The following TDRD5 variants were observed in gnomAD, a reference collection of about 807,000 sequenced individuals.
TDRD5 encodes tudor domain-containing protein 5.
A neutral mutation model predicts 120.6 loss-of-function variants in TDRD5; 41 were observed. The ratio of observed to expected loss-of-function variants is 0.34; its 90% CI spans 0.26 to 0.44. TDRD5 has a LOEUF of 0.44. TDRD5 is among the 20% of genes least tolerant of loss of function. TDRD5 has a pLI of 1.00. For synonymous variants in TDRD5, 430 were observed against 433.7 expected (o/e 0.99, Z 0.11); for missense variants, 1,006 against 1,221.2 (o/e 0.82, Z 2.63).
intron 9 of TDRD5, 91 bp downstream of exon 9, chr1:179,635,978 A>C: frequency 8.9e-7 from 1 of 1,127,790 alleles, no homozygotes; most frequent in South Asian, 2.1e-5. Flanking sequence ...TAAAAATTAA[A>C]GACCCAAGAG....
intron 17 of TDRD5, among the ~76,000 whole-genome samples, chr1:179,676,241 T>C (rs1353875520): frequency 6.6e-6 from 1 of 152,168 alleles, no homozygotes; most frequent in Non-Finnish European, 1.5e-5. Context: ...TTTCTGTGAG[T>C]CCTTATGTGT....
chr1:179,636,745 G>A (rs930972460), intron 9 of TDRD5, among the ~76,000 whole-genome samples: 4 of 152,214 alleles, frequency 2.6e-5, no homozygotes, highest in Non-Finnish European at 1.5e-5. Context: ...TTGGGAAGCT[G>A]TCAAGCTCAC....
At chr1:179,611,821 T>G (rs923407542) in intron 4 of TDRD5, among the ~76,000 whole-genome samples, 1 of 152,188 alleles carries the variant, frequency 6.6e-6, no homozygotes, top group Admixed American at 6.6e-5. Context: ...TAATAATTCC[T>G]CATAGATGCA....
At chr1:179,633,132 A>G (rs1355426726) in intron 7 of TDRD5, among the ~76,000 whole-genome samples, 1 of 152,196 alleles carries the variant, frequency 6.6e-6, no homozygotes, top group Non-Finnish European at 1.5e-5. Context: ...CACTTCATAT[A>G]CTATGGGTGT....
chr1:179,669,603 T>C (rs951117325), intron 17 of TDRD5, among the ~76,000 whole-genome samples, 199 bp downstream of exon 17: 1 of 152,244 alleles, frequency 6.6e-6, no homozygotes, highest in Admixed American at 6.5e-5. Flanking sequence ...TCTGCACTTT[T>C]GTTTTTTTGC....
intron 7 of TDRD5, among the ~76,000 whole-genome samples, chr1:179,633,484 T>C (rs775115655): frequency 6.6e-6 from 1 of 151,988 alleles, no homozygotes; most frequent in Non-Finnish European, 1.5e-5. Context: ...CCCAAGTAGC[T>C]GGGACTACAG....
At chr1:179,687,245 T>G (rs902002217) in intron 17 of TDRD5, among the ~76,000 whole-genome samples, 1 of 152,222 alleles carries the variant, frequency 6.6e-6, no homozygotes, top group Non-Finnish European at 1.5e-5. Flanking sequence ...ATGTTGTGTC[T>G]TTGTTCTCAT....
chr1:179,678,106 C>T (rs1680231641), intron 17 of TDRD5, among the ~76,000 whole-genome samples: 1 of 152,044 alleles, frequency 6.6e-6, no homozygotes, highest in South Asian at 2.1e-4. Context: ...GGTGTGGTTC[C>T]CAGTCCAGTG....
chr1:179,669,173 C>T (rs1490892567), intron 16 of TDRD5, 21 bp from the exon 17 acceptor site: 1 of 1,598,620 alleles, frequency 6.3e-7, no homozygotes, highest in Admixed American at 1.7e-5. Flanking sequence ...ATGTTTTTGC[C>T]CCATTTTTCC....
At chr1:179,648,457 G>GA (rs1678521839) in intron 11 of TDRD5, among the ~76,000 whole-genome samples, 1 of 54,110 alleles carries the variant, frequency 1.8e-5, no homozygotes, top group African/African-American at 5.9e-5. Flanking sequence ...TGGGGTGGGG[G>GA]GGGGGAGGGA....
chr1:179,593,412 G>A (rs1052175673), intron 2 of TDRD5, 48 bp from the exon 3 acceptor site: 10 of 1,553,682 alleles, frequency 6.4e-6, no homozygotes, highest in Non-Finnish European at 8.8e-6. Context: ...GGATAAAGAA[G>A]GGAGTAAGTT....
rs1388873434 is a variant in TDRD5 at position 179,691,129 on chromosome 1, T to G, written c.*186T>G. Reference sequence around the variant, plus strand: ...TTGATGTGTAAGTAAGTATTGATATTTACTGTTAATCTTGATTTTTCTTGA... The same window carrying G: ...TTGATGTGTAAGTAAGTATTGATATGTACTGTTAATCTTGATTTTTCTTGA... On this transcript the variant is annotated 3_prime_UTR_variant, in exon 18 of 18. Transcript: ENST00000444136. 3 of 667,840 alleles carry G rather than the reference T, an allele frequency of 4.5e-6. No homozygotes were observed. Among genetic ancestry groups the G allele is most frequent in the Non-Finnish European group, 6.8e-6 (3 of 438,484 alleles). 41.4% of individuals were successfully genotyped at this position (667,840 alleles called of 1,614,324 possible). A position where few individuals can be genotyped will look rare whatever the true frequency, so the allele number is the denominator to read the frequency against.
chr1:179,658,217 T>A (rs1422418332), intron 14 of TDRD5, among the ~76,000 whole-genome samples: 1 of 152,216 alleles, frequency 6.6e-6, no homozygotes, highest in Admixed American at 6.5e-5. Flanking sequence ...CCACGTTTTC[T>A]TTATTTGTTT....
intron 11 of TDRD5, among the ~76,000 whole-genome samples, chr1:179,648,267 A>G (rs1678504044): frequency 6.8e-6 from 1 of 146,990 alleles, no homozygotes; most frequent in Non-Finnish European, 1.5e-5. Flanking sequence ...CTATGCAGCC[A>G]TAAAAAATGA....
chr1:179,687,123 A>G (rs1182800142), intron 17 of TDRD5, among the ~76,000 whole-genome samples: 1 of 151,998 alleles, frequency 6.6e-6, no homozygotes, highest in Non-Finnish European at 1.5e-5. Context: ...TAGTTCTTTT[A>G]ATTGTGATGT....
intron 4 of TDRD5, among the ~76,000 whole-genome samples, chr1:179,608,275 T>C (rs551645244): frequency 1.3e-5 from 2 of 152,172 alleles, no homozygotes; most frequent in African/African-American, 4.8e-5. Flanking sequence ...TTTATTTTTT[T>C]TCTGCATGAG....
chr1:179,607,268 A>G (rs1335320596), intron 4 of TDRD5, among the ~76,000 whole-genome samples: 1 of 152,128 alleles, frequency 6.6e-6, no homozygotes, highest in Non-Finnish European at 1.5e-5. Context: ...ACTTTTGTAC[A>G]TTAACCTTGC....
At chr1:179,670,435 G>A (rs998700333) in intron 17 of TDRD5, among the ~76,000 whole-genome samples, 2 of 151,802 alleles carry the variant, frequency 1.3e-5, no homozygotes, top group Admixed American at 6.6e-5. Context: ...CATAGGAGTC[G>A]ATTTGCTAGG....
At chr1:179,596,481 G>C (rs1675396644) in intron 4 of TDRD5, among the ~76,000 whole-genome samples, 1 of 152,126 alleles carries the variant, frequency 6.6e-6, no homozygotes, top group South Asian at 2.1e-4. Flanking sequence ...ATGCCACTTT[G>C]TAGTTTCTTT....
Sources: gnomAD v4.1 joint callset for allele counts (sites outside exome capture counted in the v4.1 genomes callset) on GRCh38, gnomAD v4.1.1 for gene constraint, MANE v1.5 for transcripts, NCBI Gene and HGNC (gene_info 2026-07-23, HGNC 2026-07-21) for gene names.